Variants in WDFY4 observed in about 807,000 individuals in gnomAD.
WDFY4 encodes WD repeat- and FYVE domain-containing protein 4.
In WDFY4, 169 loss-of-function variants were observed where a neutral mutation model predicts 351.9. The ratio of observed to expected loss-of-function variants is 0.48; its 90% CI spans 0.42 to 0.55. The LOEUF (loss-of-function observed/expected upper bound fraction) is 0.55, where lower values mean the gene tolerates loss of function less well. Ranked by LOEUF, WDFY4 falls within the 20% of genes least tolerant of loss-of-function variation. The pLI is 0.00. For missense variants in WDFY4, 3,803 were observed against 3,935.6 expected, an observed-to-expected ratio of 0.97 and a Z score of 0.90; for synonymous variants, 1,622 against 1,574.6, an observed-to-expected ratio of 1.03 and a Z score of -0.71.
chr10:48,968,999 G>A (rs1842214648), intron 55 of WDFY4, 65 bp from the exon 56 acceptor site: 1 of 1,500,234 alleles, frequency 6.7e-7, no homozygotes, highest in Non-Finnish European at 9.0e-7. Flanking sequence ...ACTCCTGCCT[G>A]GGGGCCCAGC....
intron 15 of WDFY4, among the ~76,000 whole-genome samples, chr10:48,776,259 G>A (rs1025899500): frequency 1.3e-5 from 2 of 152,208 alleles, no homozygotes; most frequent in Non-Finnish European, 2.9e-5. Flanking sequence ...AAAGAAACTC[G>A]TGGACATCTT....
chr10:48,891,201 G>C (rs57589305), intron 44 of WDFY4, among the ~76,000 whole-genome samples: 5,625 of 152,314 alleles, frequency 0.037, 338 homozygotes, highest in African/African-American at 0.13. Context: ...TGGAGGGATG[G>C]CCTGGGACTG....
At chr10:48,980,634 G>A (rs1842768634) in intron 60 of WDFY4, among the ~76,000 whole-genome samples, 1 of 152,148 alleles carries the variant, frequency 6.6e-6, no homozygotes, top group Non-Finnish European at 1.5e-5. Flanking sequence ...ACAAATGCCT[G>A]GTGTGCTTTG....
At chr10:48,801,486 G>C (rs1054057441) in intron 24 of WDFY4, 3 of 456,472 alleles carry the variant, frequency 6.6e-6, no homozygotes, top group Non-Finnish European at 1.3e-5. Context: ...AAGTGTGCAG[G>C]GCTCTTGGAG....
At chr10:48,784,711 T>G (rs763149279) in intron 19 of WDFY4, among the ~76,000 whole-genome samples, 6 of 150,850 alleles carry the variant, frequency 4.0e-5, no homozygotes, top group Admixed American at 2.0e-4. Context: ...CTAGCTAATT[T>G]TTGTATTTTT....
At chr10:48,792,007 G>C (rs1414739665) in intron 23 of WDFY4, among the ~76,000 whole-genome samples, 1 of 152,026 alleles carries the variant, frequency 6.6e-6, no homozygotes, top group Non-Finnish European at 1.5e-5. Flanking sequence ...TCTGATTACC[G>C]ATACCATATC....
intron 20 of WDFY4, among the ~76,000 whole-genome samples, chr10:48,787,858 T>TTCTTCTTCTTCTTC (rs1206154453): frequency 1.5e-5 from 1 of 66,074 alleles, no homozygotes; most frequent in East Asian, 1.1e-3. Flanking sequence ...CTTCTTCTTC[T>TTCTTCTTCTTCTTC]TTCTTCTTCT....
rs1477082679 is a variant in WDFY4 at position 48,721,272 on chromosome 10, T to C, written c.361T>C (p.Leu121=). The change falls in exon 4 of 62, where the codon TTG becomes CTG. Residue 121 remains leucine, a synonymous_variant. Coordinates refer to ENST00000325239, the MANE Select transcript of WDFY4 (RefSeq NM_001394531.1). ...ACACTTTCTTCCAGAGCAAGCTCGG[T>C]TGGCAGCTGGACAGTTGCTGTGGTG... The part of the protein sequence containing the change: ...LVGKPAEQAR[L]AAGQLLWWKG... 3 of 1,551,646 alleles carry C rather than the reference T, an allele frequency of 1.9e-6. No homozygotes were observed. The highest frequency in any genetic ancestry group is 2.4e-5 in the East Asian group (1 of 40,916).
chr10:48,894,692 G>A (rs1219338191), intron 44 of WDFY4, among the ~76,000 whole-genome samples: 2 of 152,200 alleles, frequency 1.3e-5, no homozygotes, highest in African/African-American at 2.4e-5. Flanking sequence ...GGGTCTGCAG[G>A]GGAGAGAGAA....
rs767524359 is a variant in WDFY4 at position 48,731,494 on chromosome 10, G to A, written c.1514G>A (p.Arg505Gln). 2.4e-5 allele frequency: 38 copies of A among 1,551,448 alleles called. No individual in the cohort carries two copies. Among genetic ancestry groups the A allele is most frequent in the Non-Finnish European group, 2.8e-5 (32 of 1,146,992 alleles). Residue 505 changes from arginine (R) to glutamine (Q), a missense_variant, in exon 9 of 62, where the codon CGG (arginine) becomes CAG (glutamine). Transcript: ENST00000325239. ...GGDPLFTDIF[R>Q]DSGLLGLLLA... The stretch of plus-strand genomic sequence containing the variant: ...GACCCCCTCTTCACCGACATCTTCC[G>A]GGACTCAGGGCTCCTGGGCCTGCTA...
rs1027099357 is a variant in WDFY4 at position 48,973,320 on chromosome 10, G to A, written c.8929-1542G>A. On this transcript the variant is annotated intron_variant, in intron 57 of 61. Transcript: ENST00000325239. ...CTGCTTTCTCCTGCTCACTTAGGCA[G>A]TTTTCATTTTCCTAGGATGACCCAA... Among the ~76,000 whole-genome samples the A allele has an allele frequency of 3.3e-5, 5 of 151,662 alleles. No individual in the cohort carries two copies. The East Asian group carries it at 9.6e-4, about 29-fold the overall frequency.
At chr10:48,837,832 C>T (rs896895829) in intron 39 of WDFY4, among the ~76,000 whole-genome samples, 1 of 152,210 alleles carries the variant, frequency 6.6e-6, no homozygotes, top group Non-Finnish European at 1.5e-5. Flanking sequence ...CCACTTTCCT[C>T]CTGGGATCAA....
In WDFY4 at chr10:48,776,773, G is replaced by T. The variant is rs2066045319; in HGVS notation, c.2887G>T (p.Ala963Ser). Reference sequence around the variant, plus strand: ...AGGGTCACAGACTGCACAGGGCTTGGCTGAGGGGCCCTGGCCAGCTGCCCC... The same window carrying T: ...AGGGTCACAGACTGCACAGGGCTTGTCTGAGGGGCCCTGGCCAGCTGCCCC... ...CSGSQTAQGL[A>S]EGPWPAAPDA... The change falls in exon 16 of 62, where the codon GCT becomes TCT. Residue 963 changes from alanine to serine, a missense_variant. Physicochemically the swap from Ala to Ser is moderately conservative, Grantham distance 99. This residue lies in a region of WDFY4 where 3,054 missense variants were observed against 3,148.6 expected (regional missense o/e 0.97). Transcript: ENST00000325239. 1.9e-6 allele frequency: 3 copies of T among 1,549,654 alleles called. No individual in the cohort carries two copies. Among genetic ancestry groups the T allele is most frequent in the Non-Finnish European group, 1.7e-6 (2 of 1,146,440 alleles).
At chr10:48,953,339 A>T (rs879877936) in intron 51 of WDFY4, among the ~76,000 whole-genome samples, 1,568 of 129,736 alleles carry the variant, frequency 0.012, 28 homozygotes, top group African/African-American at 0.042. Flanking sequence ...TCTCTCACAC[A>T]CACACACACA....
chr10:48,798,130 C>T (rs1476530064), intron 24 of WDFY4, among the ~76,000 whole-genome samples: 1 of 152,068 alleles, frequency 6.6e-6, no homozygotes, highest in African/African-American at 2.4e-5. Flanking sequence ...AAGGCAGGAC[C>T]AGAGGGAGAC....
rs770149135 is a variant in WDFY4 at position 48,778,617 on chromosome 10, C to A, written c.3182C>A (p.Thr1061Asn). Residue 1061 changes from threonine to asparagine, a missense_variant, in exon 18 of 62, where the codon ACC (threonine) becomes AAC (asparagine). Physicochemically the swap from Thr to Asn is moderately conservative, Grantham distance 65 (BLOSUM62 0). Around this residue, in one of 3 missense-constraint regions of WDFY4, gnomAD observed 3,054 missense variants for 3,148.6 expected, o/e 0.97. Transcript: ENST00000325239. Reference protein sequence around the residue: ...SVSGGIGTGATRPFPPPGGLT... With the variant: ...SVSGGIGTGANRPFPPPGGLT... The stretch of plus-strand genomic sequence containing the variant: ...TGCCTGTGTTCCCACCCAGGTGCCA[C>A]CAGACCGTTCCCTCCTCCTGGAGGT... The A allele has an allele frequency of 1.9e-6, 3 of 1,550,832 alleles. No homozygotes were observed. Among genetic ancestry groups the A allele is most frequent in the East Asian group, 4.9e-5 (2 of 40,918 alleles).
chr10:48,956,434 C>T (rs953190058), intron 51 of WDFY4, among the ~76,000 whole-genome samples: 1 of 152,184 alleles, frequency 6.6e-6, no homozygotes, highest in Non-Finnish European at 1.5e-5. Context: ...CCACGTCTCT[C>T]TCTCACCAAA....
intron 13 of WDFY4, among the ~76,000 whole-genome samples, chr10:48,761,061 C>G (rs1267136593): frequency 6.6e-6 from 1 of 152,130 alleles, no homozygotes; most frequent in Non-Finnish European, 1.5e-5. Flanking sequence ...CTCATTAAAT[C>G]TAATTTAGAT....
chr10:48,769,405 C>A (rs2065786676), intron 13 of WDFY4, among the ~76,000 whole-genome samples: 1 of 152,126 alleles, frequency 6.6e-6, no homozygotes, highest in Non-Finnish European at 1.5e-5. Context: ...TCCGTAGGCC[C>A]CATTTATTGC....
Sources: allele counts gnomAD v4.1 joint callset (sites outside exome capture counted in the v4.1 genomes callset), GRCh38; gene constraint gnomAD v4.1.1; regional missense constraint gnomAD v4.1.1; transcripts MANE v1.5; gene names NCBI Gene and HGNC (gene_info 2026-07-23, HGNC 2026-07-21).